The following SLC13A3 variants were observed in gnomAD, a reference collection of about 807,000 sequenced individuals.
The protein encoded by SLC13A3 is solute carrier family 13 member 3.
A neutral mutation model predicts 59.0 loss-of-function variants in SLC13A3; 40 were observed. That is an observed-to-expected ratio of 0.68 (90% confidence interval 0.53 to 0.88). SLC13A3 has a LOEUF of 0.88. Ranked by LOEUF, SLC13A3 falls within the 40% of genes least tolerant of loss-of-function variation. The pLI is 0.00. For synonymous variants in SLC13A3, 317 were observed against 330.3 expected (o/e 0.96, Z 0.44); for missense variants, 699 against 783.2 (o/e 0.89, Z 1.28).
Position 46,651,294 on chromosome 20 carries a change from G to T in SLC13A3, c.111+17C>A. On this transcript the variant is annotated intron_variant, in intron 1 of 12. Coordinates refer to ENST00000279027, the MANE Select transcript of SLC13A3 (RefSeq NM_022829.6). ...GCCTGTGGTTGACCGGGGGCGCACA[G>T]GCGGAGGAGGCGTTACCTTGGGCGG... The T allele has an allele frequency of 6.8e-7, 1 of 1,480,156 alleles. No individual in the cohort carries two copies. 91.7% of individuals were successfully genotyped at this position (1,480,156 alleles called of 1,614,324 possible). A position where few individuals can be genotyped will look rare whatever the true frequency, so the allele number is the denominator to read the frequency against.
chr20:46,571,169 A>G (rs2062025737), intron 10 of SLC13A3, among the ~76,000 whole-genome samples: 1 of 152,180 alleles, frequency 6.6e-6, no homozygotes, highest in Non-Finnish European at 1.5e-5. Flanking sequence ...AACCGCCCCC[A>G]CGATTAAATT....
chr20:46,565,444 C>T (rs2061971095), intron 11 of SLC13A3, among the ~76,000 whole-genome samples: 1 of 151,958 alleles, frequency 6.6e-6, no homozygotes, highest in Non-Finnish European at 1.5e-5. Flanking sequence ...GAGACAGGAT[C>T]TGGATCTGGG....
chr20:46,633,540 G>A (rs1042146312), intron 1 of SLC13A3, among the ~76,000 whole-genome samples: 3 of 151,044 alleles, frequency 2.0e-5, no homozygotes, highest in Non-Finnish European at 4.4e-5. Flanking sequence ...TGCTTTGACA[G>A]TCCTGCAATA....
At chr20:46,646,182 GA>G (rs1486059983) in intron 1 of SLC13A3, among the ~76,000 whole-genome samples, 5 of 152,166 alleles carry the variant, frequency 3.3e-5, no homozygotes, top group African/African-American at 9.7e-5. Context: ...CTCTGTTGGG[GA>G]AAACTCAAGG....
intron 1 of SLC13A3, among the ~76,000 whole-genome samples, chr20:46,634,526 GC>G (rs2062776682): frequency 6.8e-6 from 1 of 147,246 alleles, no homozygotes; most frequent in Non-Finnish European, 1.5e-5. Context: ...CCTGAGCCCC[GC>G]CCCCAACCCC....
chr20:46,609,815 A>C (rs1244247362), intron 3 of SLC13A3, among the ~76,000 whole-genome samples: 2 of 152,200 alleles, frequency 1.3e-5, no homozygotes, highest in Admixed American at 6.5e-5. Context: ...TTCCCACACC[A>C]CAGAGAGCGC....
At chr20:46,583,461 G>A in intron 9 of SLC13A3, 111 bp downstream of exon 9, 1 of 1,503,292 alleles carries the variant, frequency 6.7e-7, no homozygotes, top group East Asian at 2.3e-5. Context: ...GAAAGGAGAA[G>A]CAGGAAGGAC....
At chr20:46,665,874 C>G (rs2063060452) in intron 1 of SLC13A3, among the ~76,000 whole-genome samples, 1 of 152,196 alleles carries the variant, frequency 6.6e-6, no homozygotes, top group Non-Finnish European at 1.5e-5. Flanking sequence ...TATGCGGGTT[C>G]CAGTTTCTCT....
At chr20:46,624,671 A>T (rs2062650571) in intron 1 of SLC13A3, among the ~76,000 whole-genome samples, 1 of 152,238 alleles carries the variant, frequency 6.6e-6, no homozygotes, top group Non-Finnish European at 1.5e-5. Context: ...CTTATAGTTT[A>T]AAAATGACTC....
intron 5 of SLC13A3, among the ~76,000 whole-genome samples, chr20:46,593,950 G>A (rs1299199927): frequency 6.6e-6 from 1 of 152,020 alleles, no homozygotes; most frequent in Non-Finnish European, 1.5e-5. Flanking sequence ...TCTTTAGTGT[G>A]CCAATATCAT....
At chr20:46,613,372 G>A (rs965305418) in intron 2 of SLC13A3, 88 bp downstream of exon 2, 47 of 1,186,200 alleles carry the variant, frequency 4.0e-5, no homozygotes, top group Non-Finnish European at 4.5e-5. Context: ...TGGCCTGGAC[G>A]AGTAAATCAA....
chr20:46,563,062 C>T (rs847063), intron 12 of SLC13A3, among the ~76,000 whole-genome samples: 105,366 of 152,036 alleles, frequency 0.69, 36,739 homozygotes, highest in East Asian at 0.84. Flanking sequence ...GCTTCTGTCT[C>T]CTTCCCAGCT....
chr20:46,594,204 A>ATATATGTTAATATTATATATTTTATGTAT (rs1321890403), intron 5 of SLC13A3, among the ~76,000 whole-genome samples: 2 of 149,878 alleles, frequency 1.3e-5, no homozygotes, highest in East Asian at 1.9e-4. Context: ...TTTTTACTGT[A>ATATATGTTAATATTATATATTTTATGTAT]TATATGTTAA....
intron 3 of SLC13A3, among the ~76,000 whole-genome samples, chr20:46,608,348 G>A (rs2122733738): frequency 6.6e-6 from 1 of 152,296 alleles, no homozygotes; most frequent in South Asian, 2.1e-4. Context: ...TGTTTTATCT[G>A]TGGCTGCTTT....
chr20:46,596,561 C>T (rs2062315174), intron 4 of SLC13A3, among the ~76,000 whole-genome samples: 1 of 152,120 alleles, frequency 6.6e-6, no homozygotes. Context: ...GGGAATTCAC[C>T]ATGCCATTAA....
At chr20:46,586,446 A>G (rs549061275) in intron 8 of SLC13A3, among the ~76,000 whole-genome samples, 2 of 152,230 alleles carry the variant, frequency 1.3e-5, no homozygotes, top group Admixed American at 1.3e-4. Context: ...ACTCTACTTA[A>G]ACACTTTCCA....
chr20:46,592,634 G>A, intron 5 of SLC13A3, 105 bp from the exon 6 acceptor site: 1 of 1,161,760 alleles, frequency 8.6e-7, no homozygotes, highest in Non-Finnish European at 1.2e-6. Flanking sequence ...GGAGGAATGA[G>A]AGGGTCCCAT....
chr20:46,616,890 C>A (rs1324749721), intron 1 of SLC13A3, among the ~76,000 whole-genome samples: 1 of 152,204 alleles, frequency 6.6e-6, no homozygotes, highest in South Asian at 2.1e-4. Flanking sequence ...GCCAAAGGGG[C>A]CTTCCTGAAG....
At chr20:46,593,206 G>A (rs542907341) in intron 5 of SLC13A3, among the ~76,000 whole-genome samples, 1 of 152,312 alleles carries the variant, frequency 6.6e-6, no homozygotes, top group Non-Finnish European at 1.5e-5. Context: ...GCAGATTCTT[G>A]ATGTTTGTTC....
Sources: gnomAD v4.1 joint callset for allele counts (sites outside exome capture counted in the v4.1 genomes callset) on GRCh38, gnomAD v4.1.1 for gene constraint, MANE v1.5 for transcripts, NCBI Gene and HGNC (gene_info 2026-07-23, HGNC 2026-07-21) for gene names.